Variants in RBFOX1 observed in about 807,000 individuals in gnomAD.
RBFOX1 encodes the protein RNA binding protein fox-1 homolog 1.
Under a neutral mutation model 57.7 loss-of-function variants are expected in RBFOX1, and 8 were observed. The ratio of observed to expected loss-of-function variants is 0.14; its 90% CI spans 0.08 to 0.25. The LOEUF is 0.25. Ranked by LOEUF, RBFOX1 falls within the 10% of genes least tolerant of loss-of-function variation. The pLI, the probability that RBFOX1 is intolerant of heterozygous loss-of-function variation, is 1.00. For missense variants in RBFOX1, 611 were observed against 548.5 expected (o/e 1.11, Z -1.14); for synonymous variants, 326 against 222.4 (o/e 1.47, Z -4.15).
Position 6,816,664 on chromosome 16 carries a change from C to T in RBFOX1, c.-16+162014C>T, listed in dbSNP as rs573505051. Among the ~76,000 whole-genome samples, 72 of 148,168 alleles carry T rather than the reference C, an allele frequency of 4.9e-4. 1 individual carries two copies. Among genetic ancestry groups the T allele is most frequent in the African/African-American group, 1.6e-3 (64 of 40,172 alleles). ...CTGAGGCAGGAGAATGGCGTGAACC[C>T]GGGAGGTGGAGCTTGCAGTGAGCTG... On this transcript the variant is annotated intron_variant, in intron 3 of 15. Coordinates refer to ENST00000550418, the MANE Select transcript of RBFOX1 (RefSeq NM_018723.4).
rs546843161 is a variant in RBFOX1 at position 5,324,386 on chromosome 16, C to A, written c.219+84281C>A. 2.6e-5 allele frequency among the ~76,000 whole-genome samples: 4 copies of A among 152,106 alleles called. No homozygotes were observed. The East Asian group carries it at 7.7e-4, about 29-fold the overall frequency. On this transcript the variant is annotated intron_variant, in intron 1 of 2. Transcript: ENST00000585867. ...GCTGAGGCAGGAGAATCACTTGAAC[C>A]CAGGAGGCAGAGGTTGCAGTGAGCC... is the stretch of plus-strand genomic sequence containing the variant.
intron 5 of RBFOX1, among the ~76,000 whole-genome samples, chr16:7,568,342 T>C (rs187451569): frequency 1.3e-5 from 2 of 152,294 alleles, no homozygotes; most frequent in African/African-American, 4.8e-5. Flanking sequence ...TTCCTCCCTC[T>C]TTTAGACCAC....
chr16:7,044,708 AAT>A (rs869303929), intron 3 of RBFOX1, among the ~76,000 whole-genome samples: 1 of 147,428 alleles, frequency 6.8e-6, no homozygotes, highest in Non-Finnish European at 1.5e-5. Context: ...GGAGAAAAAA[AAT>A]ATCACATGTT....
At chr16:7,174,416 C>A (rs1428312584) in intron 4 of RBFOX1, among the ~76,000 whole-genome samples, 1 of 152,138 alleles carries the variant, frequency 6.6e-6, no homozygotes, top group Non-Finnish European at 1.5e-5. Context: ...TATATGCTTT[C>A]ACCTTTCTTG....
chr16:7,119,715 G>A (rs1409804206), intron 4 of RBFOX1, among the ~76,000 whole-genome samples: 1 of 151,916 alleles, frequency 6.6e-6, no homozygotes, highest in Admixed American at 6.6e-5. Context: ...TTAAAATAAA[G>A]CCAAAACTGA....
At chr16:7,007,580 C>T (rs1476905092) in intron 3 of RBFOX1, among the ~76,000 whole-genome samples, 2 of 152,162 alleles carry the variant, frequency 1.3e-5, no homozygotes, top group Non-Finnish European at 2.9e-5. Flanking sequence ...TTGTTAAACA[C>T]CCTCCCATCC....
At chr16:6,396,025 C>G (rs2092816079) in intron 2 of RBFOX1, among the ~76,000 whole-genome samples, 1 of 124,058 alleles carries the variant, frequency 8.1e-6, no homozygotes, top group Non-Finnish European at 1.6e-5. Flanking sequence ...GAGATCGCAC[C>G]AATGCACTGC....
rs545310420 is a variant in RBFOX1 at position 5,774,911 on chromosome 16, G to T, written c.319-92392G>T. ...TTGGCCAGGCTGGTCTCGAACTCCT[G>T]ACCTCAGGTGATCCACCCACTTCGG... On this transcript the variant is annotated intron_variant, in intron 3 of 19. Transcript: ENST00000641259. Among the ~76,000 whole-genome samples the T allele has an allele frequency of 4.6e-5, 7 of 152,262 alleles. No homozygotes were observed. The East Asian group carries it at 1.4e-3, about 29-fold the overall frequency.
intron 4 of RBFOX1, among the ~76,000 whole-genome samples, chr16:7,113,656 A>T (rs1475702552): frequency 6.6e-6 from 1 of 152,118 alleles, no homozygotes; most frequent in Non-Finnish European, 1.5e-5. Flanking sequence ...ATATCCTTCC[A>T]CCCAAGAAAC....
At chr16:5,962,133 C>G (rs1250088198) in intron 4 of RBFOX1, among the ~76,000 whole-genome samples, 1 of 152,120 alleles carries the variant, frequency 6.6e-6, no homozygotes, top group African/African-American at 2.4e-5. Context: ...GGCTGTATCT[C>G]CTGTCTTTAA....
intron 1 of RBFOX1, among the ~76,000 whole-genome samples, chr16:6,186,505 G>A (rs1482845470): frequency 2.6e-5 from 4 of 152,162 alleles, no homozygotes; most frequent in Non-Finnish European, 4.4e-5. Context: ...TAAGAATGGA[G>A]ATGGATATAG....
At chr16:5,734,177 G>A (rs1164309176) in intron 3 of RBFOX1, among the ~76,000 whole-genome samples, 1 of 152,124 alleles carries the variant, frequency 6.6e-6, no homozygotes, top group Non-Finnish European at 1.5e-5. Flanking sequence ...AAAGAGCACA[G>A]GTTTGGCCAG....
At chr16:6,532,612 T>C (rs2096674296) in intron 2 of RBFOX1, among the ~76,000 whole-genome samples, 1 of 152,158 alleles carries the variant, frequency 6.6e-6, no homozygotes, top group Admixed American at 6.6e-5. Context: ...TCCAGTTTGC[T>C]CTACTTCCTG....
chr16:7,267,954 GAAAC>G (rs2095213274), intron 4 of RBFOX1, among the ~76,000 whole-genome samples: 1 of 152,188 alleles, frequency 6.6e-6, no homozygotes, highest in South Asian at 2.1e-4. Context: ...ACCGCTCTGA[GAAAC>G]AAATCGTTAG....
intron 3 of RBFOX1, among the ~76,000 whole-genome samples, chr16:5,842,222 C>G (rs1039076708): frequency 6.6e-6 from 1 of 152,072 alleles, no homozygotes; most frequent in Non-Finnish European, 1.5e-5. Flanking sequence ...TTCTCAGCAC[C>G]GAGAGAATGG....
At chr16:5,465,822 C>T (rs1160085396) in intron 1 of RBFOX1, among the ~76,000 whole-genome samples, 2 of 152,154 alleles carry the variant, frequency 1.3e-5, no homozygotes, top group Admixed American at 1.3e-4. Context: ...AGTGGAGTCC[C>T]GTGGACTGCA....
At chr16:6,417,668 G>T in intron 2 of RBFOX1, among the ~76,000 whole-genome samples, 1 of 149,886 alleles carries the variant, frequency 6.7e-6, no homozygotes. Flanking sequence ...GGGATTACAG[G>T]TGTGAGCCAC....
At chr16:5,991,773 A>C (rs2060404517) in intron 4 of RBFOX1, among the ~76,000 whole-genome samples, 2 of 151,868 alleles carry the variant, frequency 1.3e-5, no homozygotes, top group Non-Finnish European at 2.9e-5. Context: ...CCAATAATCA[A>C]CAATGTTGCC....
At chr16:7,171,032 A>G (rs1463658950) in intron 4 of RBFOX1, among the ~76,000 whole-genome samples, 3 of 152,122 alleles carry the variant, frequency 2.0e-5, no homozygotes, top group Non-Finnish European at 1.5e-5. Flanking sequence ...CTCACCTGCG[A>G]TGTCTCCTTC....
Sources: allele counts gnomAD v4.1 joint callset (sites outside exome capture counted in the v4.1 genomes callset), GRCh38; gene constraint gnomAD v4.1.1; transcripts MANE v1.5; gene names NCBI Gene and HGNC (gene_info 2026-07-23, HGNC 2026-07-21).